The following PSMA1 variants were observed in gnomAD, a reference collection of about 807,000 sequenced individuals.
The protein encoded by PSMA1 is proteasome 20S subunit alpha 1, also known as proteasome subunit alpha type-1.
PSMA1 carries 3 observed loss-of-function variants against 38.4 expected under a neutral mutation model. That is an observed-to-expected ratio of 0.08 (90% CI 0.04 to 0.20). The LOEUF (loss-of-function observed/expected upper bound fraction) is 0.20. PSMA1 is among the 10% of genes least tolerant of loss of function. PSMA1 has a pLI of 1.00. For synonymous variants in PSMA1, 101 were observed against 107.1 expected, an observed-to-expected ratio of 0.94 and a Z score of 0.35; for missense variants, 227 against 325.3, an observed-to-expected ratio of 0.70 and a Z score of 2.32.
intron 4 of PSMA1, among the ~76,000 whole-genome samples, chr11:14,515,459 TAATAC>T (rs1851408967): frequency 6.6e-6 from 1 of 152,200 alleles, no homozygotes; most frequent in African/African-American, 2.4e-5. Context: ...TTTGATAATA[TAATAC>T]ATTTTCCATT....
chr11:14,577,769 C>T (rs905715914), intron 2 of PSMA1, among the ~76,000 whole-genome samples: 2 of 152,044 alleles, frequency 1.3e-5, no homozygotes, highest in Non-Finnish European at 2.9e-5. Flanking sequence ...AGAATTTGAA[C>T]CCAGACAGTC....
At chr11:14,523,833 T>C (rs1363553989), upstream of PSMA1, among the ~76,000 whole-genome samples, 1 of 151,924 alleles carries the variant, frequency 6.6e-6, no homozygotes, top group African/African-American at 2.4e-5. Flanking sequence ...TCCTCCTGCC[T>C]GGGCCTCCCA....
intron 8 of PSMA1, 33 bp downstream of exon 8, chr11:14,510,839 T>A (rs886842617): frequency 8.1e-6 from 12 of 1,483,450 alleles, no homozygotes; most frequent in Non-Finnish European, 1.1e-5. Context: ...AACTGTAACG[T>A]TAATATCTAC....
At chr11:14,552,534 C>T (rs574418016) in intron 2 of PSMA1, among the ~76,000 whole-genome samples, 2 of 152,140 alleles carry the variant, frequency 1.3e-5, no homozygotes, top group East Asian at 3.9e-4. Context: ...AAATTTTGAA[C>T]CTGAAAAGAT....
intron 2 of PSMA1, among the ~76,000 whole-genome samples, chr11:14,580,721 A>G (rs371297401): frequency 9.8e-5 from 15 of 152,340 alleles, no homozygotes; most frequent in African/African-American, 3.6e-4. Context: ...CAGGCTTTAG[A>G]TCTTAAGCCT....
intron 1 of PSMA1, among the ~76,000 whole-genome samples, chr11:14,629,822 T>C (rs1007328446): frequency 2.0e-5 from 3 of 152,052 alleles, no homozygotes; most frequent in Non-Finnish European, 4.4e-5. Context: ...CTTCCATTTG[T>C]TTGTATCCTC....
At chr11:14,520,157 C>T in intron 1 of PSMA1, 140 bp downstream of exon 1, 4 of 1,358,806 alleles carry the variant, frequency 2.9e-6, no homozygotes, top group Non-Finnish European at 3.1e-6. Context: ...TGCTGAATCA[C>T]TGCCGGAGCC....
intron 2 of PSMA1, among the ~76,000 whole-genome samples, chr11:14,569,196 G>C (rs773747529): frequency 1.3e-5 from 2 of 152,102 alleles, no homozygotes; most frequent in Non-Finnish European, 2.9e-5. Context: ...TTTATGCTCT[G>C]CTTCCTATTG....
rs947785292 is a variant in PSMA1 at position 14,629,397 on chromosome 11, T to C, written c.-166+14058A>G. Among the ~76,000 whole-genome samples, 1,309 of 152,304 alleles carry C rather than the reference T, an allele frequency of 8.6e-3. 15 individuals carry two copies. Among genetic ancestry groups the C allele is most frequent in the African/African-American group, 0.03 (1,250 of 41,544 alleles). ...AGCTTTCTACATATGGCTAGCCAGTTTTTCCAGCACCATTTATTAAATAGG... is the reference window on the plus strand; with the variant it reads ...AGCTTTCTACATATGGCTAGCCAGTCTTTCCAGCACCATTTATTAAATAGG... On this transcript the variant is annotated intron_variant, in intron 1 of 10. Coordinates refer to the PSMA1 transcript ENST00000418988.
At chr11:14,524,985 G>A (rs1304368511), upstream of PSMA1, among the ~76,000 whole-genome samples, 1 of 151,990 alleles carries the variant, frequency 6.6e-6, no homozygotes, top group Non-Finnish European at 1.5e-5. Flanking sequence ...AAGCCTCCTG[G>A]ACCATCACAC....
chr11:14,635,561 A>G (rs1853104403), intron 1 of PSMA1, among the ~76,000 whole-genome samples: 1 of 152,230 alleles, frequency 6.6e-6, no homozygotes, highest in Non-Finnish European at 1.5e-5. Context: ...CTGTAAATGT[A>G]CAAGTCTTTA....
chr11:14,609,253 A>G (rs1057381667), intron 2 of PSMA1, among the ~76,000 whole-genome samples: 2 of 152,232 alleles, frequency 1.3e-5, no homozygotes, highest in Non-Finnish European at 2.9e-5. Flanking sequence ...CAAAGACCAT[A>G]TCAAAGTTAT....
At chr11:14,535,604 C>T (rs1401388924) in intron 2 of PSMA1, among the ~76,000 whole-genome samples, 3 of 151,844 alleles carry the variant, frequency 2.0e-5, no homozygotes, top group Non-Finnish European at 2.9e-5. Flanking sequence ...CCACCACACC[C>T]GGCTAATTTT....
In PSMA1 at chr11:14,588,024, C is replaced by T. The variant is rs750619; in HGVS notation, c.21+22942G>A. Among the ~76,000 whole-genome samples, 736 of 152,302 alleles carry T rather than the reference C, an allele frequency of 4.8e-3. 33 individuals are homozygous for T. The East Asian group carries it at 0.11, about 22-fold the overall frequency. On this transcript the variant is annotated intron_variant, in intron 2 of 10. Coordinates refer to the PSMA1 transcript ENST00000418988. ...ACTTCTAGAAGATATGATGAAAATACAGCCCTTGCCTTTAATGTGCTTACA... is the reference window on the plus strand; with the variant it reads ...ACTTCTAGAAGATATGATGAAAATATAGCCCTTGCCTTTAATGTGCTTACA...
chr11:14,518,117 T>C, intron 2 of PSMA1, 136 bp from the exon 3 acceptor site: 1 of 625,186 alleles, frequency 1.6e-6, no homozygotes, highest in Non-Finnish European at 2.6e-6. Flanking sequence ...TTTTTTTTTT[T>C]TGAGACAGGT....
chr11:14,569,508 C>T (rs1258539449), intron 2 of PSMA1, among the ~76,000 whole-genome samples: 7 of 152,180 alleles, frequency 4.6e-5, no homozygotes, highest in Non-Finnish European at 2.9e-5. Context: ...GGCACTCCCA[C>T]CATAACACTG....
chr11:14,608,214 G>T (rs867673434), intron 2 of PSMA1, among the ~76,000 whole-genome samples: 22 of 152,072 alleles, frequency 1.4e-4, no homozygotes, highest in South Asian at 4.1e-4. Context: ...GGCCAAGCTT[G>T]CTGGCATGTG....
At chr11:14,560,234 C>T (rs1851993294) in intron 2 of PSMA1, among the ~76,000 whole-genome samples, 1 of 152,190 alleles carries the variant, frequency 6.6e-6, no homozygotes, top group Non-Finnish European at 1.5e-5. Flanking sequence ...GTTGGATCTA[C>T]TAATTTTGCA....
Position 14,513,892 on chromosome 11 carries a change from G to C in PSMA1, c.344-5C>G. On this transcript the variant is annotated splice_region_variant and splice_polypyrimidine_tract_variant and intron_variant, in intron 5 of 9. Coordinates refer to ENST00000396394, the MANE Select transcript of PSMA1 (RefSeq NM_002786.4). The stretch of plus-strand genomic sequence containing the variant: ...GTTGTGTTGGTATCTGGGTCTCTTA[G>C]ACTGGTTAACGAGCTTGTTTTAACA... 1.9e-6 allele frequency: 3 copies of C among 1,590,004 alleles called. No homozygotes were observed. Among genetic ancestry groups the C allele is most frequent in the South Asian group, 2.3e-5 (2 of 86,272 alleles).
Sources: allele counts gnomAD v4.1 joint callset (sites outside exome capture counted in the v4.1 genomes callset), GRCh38; gene constraint gnomAD v4.1.1; transcripts MANE v1.5; gene names NCBI Gene and HGNC (gene_info 2026-07-23, HGNC 2026-07-21).